PPP3CC: variants seen among roughly 807,000 people sequenced by gnomAD.
PPP3CC encodes serine/threonine-protein phosphatase 2B catalytic subunit gamma isoform.
In PPP3CC, 35 loss-of-function variants were observed where a neutral mutation model predicts 60.3. That is an observed-to-expected ratio of 0.58 (90% CI 0.44 to 0.77). The LOEUF is 0.77. Among genes scored for constraint, PPP3CC ranks in the 30% least tolerant of loss-of-function variants. The pLI is 0.00. For missense variants in PPP3CC, 570 were observed against 628.9 expected, an observed-to-expected ratio of 0.91 and a Z score of 1.00; for synonymous variants, 206 against 224.3, an observed-to-expected ratio of 0.92 and a Z score of 0.73.
At chr8:22,464,894 A>C (rs1837472532) in intron 1 of PPP3CC, among the ~76,000 whole-genome samples, 1 of 152,152 alleles carries the variant, frequency 6.6e-6, no homozygotes, top group East Asian at 1.9e-4. Context: ...AGAATCTGCA[A>C]AATCACTTCT....
At chr8:22,472,323 T>A (rs1191119464) in intron 1 of PPP3CC, among the ~76,000 whole-genome samples, 1 of 149,452 alleles carries the variant, frequency 6.7e-6, no homozygotes. Context: ...TTAAAAAGTT[T>A]AAATTTTTTT....
At chr8:22,498,877 C>G (rs939250083) in intron 4 of PPP3CC, among the ~76,000 whole-genome samples, 5 of 151,872 alleles carry the variant, frequency 3.3e-5, no homozygotes, top group Admixed American at 3.3e-4. Flanking sequence ...GCAATCCCAG[C>G]ACTTTGGGAG....
chr8:22,454,182 A>G (rs1227908798), intron 1 of PPP3CC, among the ~76,000 whole-genome samples: 1 of 152,158 alleles, frequency 6.6e-6, no homozygotes, highest in African/African-American at 2.4e-5. Context: ...TCATATCCTT[A>G]TTCTTATAAG....
At chr8:22,498,532 C>G (rs932030019) in intron 4 of PPP3CC, among the ~76,000 whole-genome samples, 1 of 152,030 alleles carries the variant, frequency 6.6e-6, no homozygotes, top group Non-Finnish European at 1.5e-5. Context: ...GTCTTCCATT[C>G]TTTTTTATTA....
At chr8:22,463,508 GC>G (rs1340546073) in intron 1 of PPP3CC, among the ~76,000 whole-genome samples, 2 of 152,164 alleles carry the variant, frequency 1.3e-5, no homozygotes, top group Non-Finnish European at 2.9e-5. Flanking sequence ...GGGACTATAG[GC>G]TTTAGTTGAT....
intron 3 of PPP3CC, among the ~76,000 whole-genome samples, chr8:22,493,228 C>G (rs953183784): frequency 2.0e-5 from 3 of 152,104 alleles, no homozygotes; most frequent in Non-Finnish European, 4.4e-5. Context: ...ATCTAGATCT[C>G]TAATATTTTT....
intron 1 of PPP3CC, among the ~76,000 whole-genome samples, chr8:22,445,156 C>T (rs567424668): frequency 6.6e-6 from 1 of 152,288 alleles, no homozygotes; most frequent in East Asian, 1.9e-4. Flanking sequence ...TTTTACCACA[C>T]ATGGCAGGCT....
chr8:22,513,986 C>G (rs1408936208), intron 6 of PPP3CC, among the ~76,000 whole-genome samples: 1 of 152,214 alleles, frequency 6.6e-6, no homozygotes, highest in African/African-American at 2.4e-5. Flanking sequence ...TGGCTCACGC[C>G]TATAATCCCA....
intron 4 of PPP3CC, 22 bp from the exon 5 acceptor site, chr8:22,511,064 A>G: frequency 6.2e-7 from 1 of 1,611,694 alleles, no homozygotes; most frequent in Non-Finnish European, 8.5e-7. Flanking sequence ...TCTTCCATTG[A>G]CTGGTTTTCC....
intron 12 of PPP3CC, among the ~76,000 whole-genome samples, chr8:22,539,175 C>T (rs183559721): frequency 2.1e-4 from 32 of 152,162 alleles, no homozygotes; most frequent in African/African-American, 7.7e-4. Context: ...TGTTTCGATA[C>T]GTGGATATCA....
chr8:22,449,747 G>T (rs1025571635), intron 1 of PPP3CC, among the ~76,000 whole-genome samples: 6 of 151,910 alleles, frequency 3.9e-5, no homozygotes, highest in African/African-American at 1.5e-4. Context: ...AAGGGCCAGA[G>T]AACTGAAATA....
intron 1 of PPP3CC, among the ~76,000 whole-genome samples, chr8:22,467,011 G>A (rs753885734): frequency 4.6e-5 from 7 of 152,158 alleles, no homozygotes; most frequent in Non-Finnish European, 8.8e-5. Flanking sequence ...TTCCCAAAGT[G>A]CTGGGATTAC....
At chr8:22,524,468 C>G (rs920921712) in intron 8 of PPP3CC, among the ~76,000 whole-genome samples, 1 of 152,218 alleles carries the variant, frequency 6.6e-6, no homozygotes, top group Non-Finnish European at 1.5e-5. Context: ...GCATTCTTCT[C>G]TGAGCCTTAT....
intron 5 of PPP3CC, among the ~76,000 whole-genome samples, chr8:22,511,708 T>G (rs148950877): frequency 0.01 from 1,528 of 152,344 alleles, 33 homozygotes; most frequent in African/African-American, 0.035. Context: ...GATATGTACC[T>G]ACCACAAATT....
At chr8:22,492,316 G>A (rs1208841623) in intron 3 of PPP3CC, among the ~76,000 whole-genome samples, 2 of 152,096 alleles carry the variant, frequency 1.3e-5, no homozygotes, top group African/African-American at 4.8e-5. Context: ...ACTGGAAGTT[G>A]CTCTGGGTGA....
intron 12 of PPP3CC, among the ~76,000 whole-genome samples, chr8:22,538,620 C>CT (rs1839895383): frequency 6.6e-6 from 1 of 152,176 alleles, no homozygotes; most frequent in African/African-American, 2.4e-5. Flanking sequence ...CTAATAGGAT[C>CT]TTTCTTGTGG....
At chr8:22,507,526 C>G (rs1380747363) in intron 4 of PPP3CC, among the ~76,000 whole-genome samples, 2 of 152,178 alleles carry the variant, frequency 1.3e-5, no homozygotes, top group African/African-American at 4.8e-5. Flanking sequence ...GTTTAAGTCT[C>G]AGTTCTGCCA....
intron 12 of PPP3CC, 123 bp from the exon 13 acceptor site, chr8:22,539,346 T>G: frequency 2.3e-6 from 2 of 874,590 alleles, no homozygotes; most frequent in Non-Finnish European, 3.5e-6. Flanking sequence ...TTGACTTTCA[T>G]TATGGATGGG....
At chr8:22,494,868 AG>A (rs1838516693) in intron 3 of PPP3CC, among the ~76,000 whole-genome samples, 1 of 152,220 alleles carries the variant, frequency 6.6e-6, no homozygotes. Context: ...TTATGTACAA[AG>A]TAGATACATA....
Sources: gnomAD v4.1 joint callset for allele counts (sites outside exome capture counted in the v4.1 genomes callset) on GRCh38, gnomAD v4.1.1 for gene constraint, MANE v1.5 for transcripts, NCBI Gene and HGNC (gene_info 2026-07-23, HGNC 2026-07-21) for gene names.